The following COL12A1 variants were observed in gnomAD, a reference collection of about 807,000 sequenced individuals.
COL12A1 encodes the protein collagen type XII alpha 1 chain, also known as collagen alpha-1(XII) chain.
A neutral mutation model predicts 349.7 loss-of-function variants in COL12A1; 114 were observed. The observed-to-expected ratio is 0.33, with a 90% CI of 0.28 to 0.38. COL12A1 has a LOEUF of 0.38. Among genes scored for constraint, COL12A1 ranks in the 10% least tolerant of loss-of-function variants. COL12A1 has a pLI of 1.00. For synonymous variants in COL12A1, 1,369 were observed against 1,329.0 expected (o/e 1.03, Z -0.66); for missense variants, 3,284 against 3,756.9 (o/e 0.87, Z 3.29).
In COL12A1 at chr6:75,103,761, G is replaced by T; in HGVS notation, c.8315C>A (p.Ala2772Glu). 1.9e-6 allele frequency: 3 copies of T among 1,612,686 alleles called. No homozygotes were observed. Among genetic ancestry groups the T allele is most frequent in the Non-Finnish European group, 2.5e-6 (3 of 1,178,840 alleles). Residue 2772 changes from alanine to glutamate, a missense_variant, in exon 55 of 66, where the codon GCA becomes GAA. Ala to Glu is a moderately radical substitution (Grantham distance 107). Transcript: ENST00000322507. ...GPRGERGISG[A>E]IGPPGPRGDI... The stretch of plus-strand genomic sequence containing the variant: ...TGCACTCTAAAATATACTTACAATT[G>T]CCCCACTGATACCTCTTTCACCTCT...
At chr6:75,087,325 GAAGT>G (rs1767550037) in intron 65 of COL12A1, 2 of 427,032 alleles carry the variant, frequency 4.7e-6, no homozygotes, top group East Asian at 3.6e-5. Context: ...AGTCCCAAGA[GAAGT>G]AAGGGGAGGT....
chr6:75,137,617 G>A (rs751343773), intron 30 of COL12A1, 38 bp from the exon 31 acceptor site: 11 of 1,610,354 alleles, frequency 6.8e-6, no homozygotes, highest in South Asian at 2.2e-5. Context: ...TAAGCAGACA[G>A]AACAATGCCT....
intron 12 of COL12A1, among the ~76,000 whole-genome samples, chr6:75,177,442 TTAAA>T (rs1281660644): frequency 6.6e-6 from 1 of 151,884 alleles, no homozygotes; most frequent in African/African-American, 2.4e-5. Flanking sequence ...AAAAAATTAA[TTAAA>T]TAATTAATTA....
intron 64 of COL12A1, 100 bp downstream of exon 64, chr6:75,089,006 C>CA (rs1340603607): frequency 6.4e-6 from 5 of 784,138 alleles, no homozygotes; most frequent in Non-Finnish European, 9.9e-6. Context: ...GTCTCAAAAA[C>CA]AAAAAAAAGA....
intron 13 of COL12A1, among the ~76,000 whole-genome samples, chr6:75,171,212 A>C (rs1768614955): frequency 6.6e-6 from 1 of 152,160 alleles, no homozygotes; most frequent in African/African-American, 2.4e-5. Flanking sequence ...TAACAACAAC[A>C]GGGGAAAAAA....
Position 75,102,065 on chromosome 6 carries a change from A to G in COL12A1, c.8416-13T>C. ...TCCCTTGGCGACCCTAGAGTGAGCA[A>G]TGGGAAAACAGTTCTCAGGCGTTTC... On this transcript the variant is annotated splice_polypyrimidine_tract_variant and intron_variant, in intron 56 of 65. Transcript: ENST00000322507. The G allele has an allele frequency of 1.2e-6, 2 of 1,613,174 alleles. No individual in the cohort carries two copies. Among genetic ancestry groups the G allele is most frequent in the Non-Finnish European group, 1.7e-6 (2 of 1,179,664 alleles).
chr6:75,134,929 T>C, intron 31 of COL12A1, 74 bp from the exon 32 acceptor site: 3 of 1,488,020 alleles, frequency 2.0e-6, no homozygotes, highest in Non-Finnish European at 2.7e-6. Context: ...AAAAGCTCTT[T>C]CTACAGGGAA....
rs1769228699 is a variant in COL12A1, at chr6:75,119,127, T to G, written c.7270A>C (p.Asn2424His). Reference protein sequence around the residue: ...VLTWESGMRKNVPKVLVVVTD... With the variant: ...VLTWESGMRKHVPKVLVVVTD... ...ACCACAACCAACACCTTAGGGACAT[T>G]CTTCCTCATGCCGCTCTCCCAAGTC... is the stretch of plus-strand genomic sequence containing the variant. The change falls in exon 46 of 66, where the codon AAT becomes CAT. Residue 2424 changes from asparagine (N) to histidine (H), a missense_variant. Transcript: ENST00000322507. 6.2e-7 allele frequency: 1 copy of G among 1,613,982 alleles called. No homozygotes were observed.
At chr6:75,148,333 G>T (rs185960681) in intron 22 of COL12A1, 25 bp downstream of exon 22, 1 of 1,599,682 alleles carries the variant, frequency 6.3e-7, no homozygotes, top group East Asian at 2.2e-5. Context: ...TCAGGAAGAA[G>T]TAAGTTATAG....
intron 31 of COL12A1, 139 bp downstream of exon 31, chr6:75,137,298 G>T (rs1766663749): frequency 1.3e-6 from 1 of 761,672 alleles, no homozygotes; most frequent in Non-Finnish European, 2.0e-6. Context: ...CAGCTAAAGA[G>T]TCAGATTATT....
At chr6:75,203,206 CT>C (rs5877443) in intron 1 of COL12A1, among the ~76,000 whole-genome samples, 144,255 of 152,282 alleles carry the variant, frequency 0.95, 68,359 homozygotes, top group East Asian at 0.99. Flanking sequence ...TATTTGACTG[CT>C]TTTTTCCTAG....
At chr6:75,121,197 G>T in intron 44 of COL12A1, 105 bp downstream of exon 44, 5 of 1,081,960 alleles carry the variant, frequency 4.6e-6, no homozygotes, top group Non-Finnish European at 6.2e-6. Flanking sequence ...AATAGGAGAA[G>T]GTCAAAACAG....
chr6:75,171,164 T>C (rs974390045), intron 13 of COL12A1, among the ~76,000 whole-genome samples: 2 of 152,188 alleles, frequency 1.3e-5, no homozygotes, highest in African/African-American at 2.4e-5. Flanking sequence ...CAATTACATA[T>C]ACAGTAGGGT....
intron 14 of COL12A1, among the ~76,000 whole-genome samples, chr6:75,161,508 G>T (rs541320181): frequency 1.3e-5 from 2 of 152,126 alleles, no homozygotes; most frequent in African/African-American, 4.8e-5. Context: ...TTCCTGCCAC[G>T]TCTGCTCCTT....
At chr6:75,119,694 C>T (rs998555644) in intron 44 of COL12A1, among the ~76,000 whole-genome samples, 1 of 152,110 alleles carries the variant, frequency 6.6e-6, no homozygotes, top group Non-Finnish European at 1.5e-5. Flanking sequence ...TCATAATTGG[C>T]ATTAATAATG....
rs1248084115 is a variant in COL12A1 at position 75,120,254 on chromosome 6, G to A, written c.7087-781C>T. Among the ~76,000 whole-genome samples the A allele has an allele frequency of 2.0e-5, 3 of 151,772 alleles. No individual in the cohort carries two copies. In the East Asian group the frequency reaches 5.8e-4, roughly 29 times the overall value. ...CACATTAAATTAAGAATATAACTAG[G>A]GTGAATTTTTACTCTTCTTGGGTTG... On this transcript the variant is annotated intron_variant, in intron 44 of 65. Coordinates refer to ENST00000322507, the MANE Select transcript of COL12A1 (RefSeq NM_004370.6).
chr6:75,113,729 AT>A lies in COL12A1; in HGVS notation c.7712del (p.Asn2571MetfsTer40). The A allele has an allele frequency of 6.3e-7, 1 of 1,592,726 alleles. No individual in the cohort carries two copies. The highest frequency in any genetic ancestry group is 8.6e-7 in the Non-Finnish European group (1 of 1,166,332). ...TAATCGTGTATGAAGGAGGGAGTCCATTTGGGTGTAGGTCTCTGTTGGATAA... is the reference window on the plus strand; with the variant it reads ...TAATCGTGTATGAAGGAGGGAGTCCATTGGGTGTAGGTCTCTGTTGGATAA... ...VNQPTADLHP[N>X]GLPPSYTIIL... On this transcript the variant is annotated frameshift_variant, in exon 50 of 66. Coordinates refer to ENST00000322507, the MANE Select transcript of COL12A1 (RefSeq NM_004370.6). LOFTEE classifies it high-confidence loss of function.
intron 14 of COL12A1, among the ~76,000 whole-genome samples, chr6:75,162,730 C>G (rs547340084): frequency 2.0e-5 from 3 of 152,286 alleles, no homozygotes; most frequent in East Asian, 3.9e-4. Flanking sequence ...AGGCAACCTA[C>G]AGAATGGGAG....
intron 1 of COL12A1, among the ~76,000 whole-genome samples, chr6:75,204,197 T>C (rs1350731035): frequency 6.6e-6 from 1 of 152,220 alleles, no homozygotes; most frequent in East Asian, 1.9e-4. Context: ...TCTAACCCTC[T>C]TCTACATCAG....
Sources: gnomAD v4.1 joint callset for allele counts (sites outside exome capture counted in the v4.1 genomes callset) on GRCh38, gnomAD v4.1.1 for gene constraint, MANE v1.5 for transcripts, NCBI Gene and HGNC (gene_info 2026-07-23, HGNC 2026-07-21) for gene names.